Variants in LMNTD1 observed in about 807,000 individuals in gnomAD.
LMNTD1 encodes lamin tail domain containing 1.
In LMNTD1, 35 loss-of-function variants were observed where a neutral mutation model predicts 50.9. The observed-to-expected ratio is 0.69, with a 90% CI of 0.53 to 0.91. LMNTD1 has a LOEUF of 0.91. LMNTD1 is among the 40% of genes least tolerant of loss of function. The pLI, the probability that LMNTD1 is intolerant of heterozygous loss-of-function variation, is 0.00. For missense variants in LMNTD1, 470 were observed against 475.5 expected (o/e 0.99, Z 0.11); for synonymous variants, 153 against 161.9 (o/e 0.94, Z 0.42).
At chr12:25,640,145 T>C (rs1184141167) in intron 1 of LMNTD1, among the ~76,000 whole-genome samples, 1 of 151,996 alleles carries the variant, frequency 6.6e-6, no homozygotes, top group Non-Finnish European at 1.5e-5. Context: ...CTAGGTGACT[T>C]GGGGGGAGAG....
At chr12:25,485,334 C>A (rs1938587995) in intron 9 of LMNTD1, among the ~76,000 whole-genome samples, 1 of 144,152 alleles carries the variant, frequency 6.9e-6, no homozygotes, top group Admixed American at 7.1e-5. Context: ...TATCCTTCAC[C>A]CACTTTTTGA....
chr12:25,635,154 C>T (rs1317190469), intron 1 of LMNTD1, among the ~76,000 whole-genome samples: 4 of 150,150 alleles, frequency 2.7e-5, no homozygotes, highest in Admixed American at 6.7e-5. Context: ...GGGGGAGAAT[C>T]GCTTAAACCC....
chr12:25,586,886 C>A (rs1409498475), intron 1 of LMNTD1, among the ~76,000 whole-genome samples: 1 of 152,154 alleles, frequency 6.6e-6, no homozygotes, highest in African/African-American at 2.4e-5. Context: ...ACACAAACTC[C>A]TTGACAAACC....
chr12:25,545,973 A>C (rs2136222860), intron 4 of LMNTD1, among the ~76,000 whole-genome samples: 1 of 151,794 alleles, frequency 6.6e-6, no homozygotes, highest in Non-Finnish European at 1.5e-5. Context: ...TTGCATAGAT[A>C]CTAACAGTCA....
intron 1 of LMNTD1, among the ~76,000 whole-genome samples, chr12:25,636,569 T>C (rs895066574): frequency 2.6e-5 from 4 of 152,208 alleles, no homozygotes; most frequent in African/African-American, 9.6e-5. Flanking sequence ...TGGAAAACAG[T>C]GTGGAGATTC....
chr12:25,625,953 A>T (rs1946580293), intron 1 of LMNTD1, among the ~76,000 whole-genome samples: 1 of 152,154 alleles, frequency 6.6e-6, no homozygotes, highest in South Asian at 2.1e-4. Flanking sequence ...CTCTTCACAA[A>T]TCGGTTATTT....
Position 25,526,507 on chromosome 12 carries a change from G to T in LMNTD1, c.678+262C>A, listed in dbSNP as rs140304237. 5.0e-4 allele frequency among the ~76,000 whole-genome samples: 76 copies of T among 152,190 alleles called. 1 individual carries two copies. Among genetic ancestry groups the T allele is most frequent in the African/African-American group, 1.7e-3 (69 of 41,546 alleles). ...TATTTACTTGGTTTCAGGAAATTAA[G>T]AATTTCATTTTAATAGTTAAATTAT... On this transcript the variant is annotated intron_variant, in intron 5 of 9. Coordinates refer to ENST00000458174, the MANE Select transcript of LMNTD1 (RefSeq NM_001145728.2).
intron 4 of LMNTD1, among the ~76,000 whole-genome samples, chr12:25,542,094 A>G (rs888640715): frequency 6.7e-6 from 1 of 150,320 alleles, no homozygotes; most frequent in African/African-American, 2.4e-5. Context: ...GAGGATATGG[A>G]GAAATAGGAA....
At chr12:25,591,671 C>T (rs77757915) in intron 1 of LMNTD1, among the ~76,000 whole-genome samples, 2,971 of 152,034 alleles carry the variant, frequency 0.02, 103 homozygotes, top group African/African-American at 0.068. Context: ...AAACATAGGG[C>T]ATAGCCAGGG....
chr12:25,516,045 C>T (rs1940738197), intron 8 of LMNTD1, among the ~76,000 whole-genome samples: 1 of 152,112 alleles, frequency 6.6e-6, no homozygotes, highest in African/African-American at 2.4e-5. Context: ...GTAACTTTCC[C>T]TTGAAGAATC....
At chr12:25,493,758 C>G (rs1449471047) in intron 9 of LMNTD1, among the ~76,000 whole-genome samples, 1 of 152,314 alleles carries the variant, frequency 6.6e-6, no homozygotes, top group Middle Eastern at 3.4e-3. Context: ...GACAGGCCTT[C>G]TACAGAGAGG....
chr12:25,572,681 G>A, intron 1 of LMNTD1, among the ~76,000 whole-genome samples: 1 of 151,962 alleles, frequency 6.6e-6, no homozygotes, highest in East Asian at 1.9e-4. Context: ...AAAATTAGAG[G>A]TTGCAGACTT....
chr12:25,550,425 G>A (rs1215839091), intron 2 of LMNTD1, among the ~76,000 whole-genome samples: 1 of 152,166 alleles, frequency 6.6e-6, no homozygotes, highest in South Asian at 2.1e-4. Flanking sequence ...TGCGTGTTCA[G>A]TGCTTAAATT....
At chr12:25,632,009 G>A (rs1008165758) in intron 1 of LMNTD1, among the ~76,000 whole-genome samples, 3 of 152,128 alleles carry the variant, frequency 2.0e-5, no homozygotes, top group African/African-American at 7.2e-5. Context: ...AAAATGCTCT[G>A]CAAAGCCTCA....
rs1417481287 is a variant in LMNTD1, at chr12:25,526,180, T to C, written c.717A>G (p.Pro239=). The C allele has an allele frequency of 6.2e-7, 1 of 1,611,280 alleles. No homozygotes were observed. Residue 239 remains proline, a synonymous_variant, in exon 6 of 10, where the codon CCA becomes CCG. Coordinates refer to ENST00000458174, the MANE Select transcript of LMNTD1 (RefSeq NM_001145728.2). ...AAASEAKHQP[P]SDFLWKEQDK... ...CTTGTTCCTTCCAAAGAAAATCTGATGGAGGTTGATGCTTTGCTTCAGATG... is the reference window on the plus strand; with the variant it reads ...CTTGTTCCTTCCAAAGAAAATCTGACGGAGGTTGATGCTTTGCTTCAGATG...
At chr12:25,487,352 C>G (rs972042805) in intron 9 of LMNTD1, among the ~76,000 whole-genome samples, 20 of 136,034 alleles carry the variant, frequency 1.5e-4, no homozygotes, top group Admixed American at 7.8e-5. Flanking sequence ...GGATAGTTAG[C>G]TCTTCTTGTT....
At chr12:25,535,888 T>C (rs1434230896) in intron 4 of LMNTD1, among the ~76,000 whole-genome samples, 2 of 152,112 alleles carry the variant, frequency 1.3e-5, no homozygotes, top group Non-Finnish European at 2.9e-5. Context: ...TGGAAAAATA[T>C]ATACCATGCT....
At chr12:25,549,037 C>T (rs1188403883) in intron 3 of LMNTD1, among the ~76,000 whole-genome samples, 1 of 151,924 alleles carries the variant, frequency 6.6e-6, no homozygotes, top group Non-Finnish European at 1.5e-5. Context: ...AATTCTCTAG[C>T]AATTCTAATG....
At chr12:25,500,210 A>C (rs1043770993) in intron 9 of LMNTD1, among the ~76,000 whole-genome samples, 9 of 152,230 alleles carry the variant, frequency 5.9e-5, no homozygotes, top group Non-Finnish European at 1.3e-4. Flanking sequence ...CTGATATCAG[A>C]AAATGTAACT....
Sources: allele counts gnomAD v4.1 joint callset (sites outside exome capture counted in the v4.1 genomes callset), GRCh38; gene constraint gnomAD v4.1.1; transcripts MANE v1.5; gene names NCBI Gene and HGNC (gene_info 2026-07-23, HGNC 2026-07-21).